NME7: variants seen among roughly 807,000 people sequenced by gnomAD.
NME7 encodes nucleoside diphosphate kinase 7.
NME7 carries 41 observed loss-of-function variants against 49.1 expected under a neutral mutation model. The ratio of observed to expected loss-of-function variants is 0.83; its 90% CI spans 0.65 to 1.08. The LOEUF (loss-of-function observed/expected upper bound fraction) is 1.08, where lower values mean the gene tolerates loss of function less well. NME7 is among the 50% of genes least tolerant of loss of function. NME7 has a pLI of 0.00. For missense variants in NME7, 423 were observed against 463.4 expected, an observed-to-expected ratio of 0.91 and a Z score of 0.80; for synonymous variants, 139 against 150.6, an observed-to-expected ratio of 0.92 and a Z score of 0.56.
chr1:169,360,871 A>G (rs1300447170), intron 1 of NME7, among the ~76,000 whole-genome samples: 1 of 152,094 alleles, frequency 6.6e-6, no homozygotes, highest in Non-Finnish European at 1.5e-5. Flanking sequence ...TTTCTCTCAA[A>G]CTAAGGAAAA....
intron 10 of NME7, among the ~76,000 whole-genome samples, chr1:169,186,640 T>C (rs959433291): frequency 2.0e-5 from 3 of 152,140 alleles, no homozygotes; most frequent in Non-Finnish European, 4.4e-5. Flanking sequence ...ATTGTGTCTA[T>C]TTGAATCTTC....
chr1:169,344,152 T>G (rs1317111440), intron 1 of NME7, among the ~76,000 whole-genome samples: 4 of 152,198 alleles, frequency 2.6e-5, no homozygotes, highest in Non-Finnish European at 5.9e-5. Flanking sequence ...TTGGTGTCAT[T>G]GTAAGTGGAG....
intron 7 of NME7, among the ~76,000 whole-genome samples, chr1:169,254,163 G>A (rs986750980): frequency 4.0e-5 from 6 of 150,132 alleles, no homozygotes; most frequent in Admixed American, 2.0e-4. Flanking sequence ...TGTACCTCTG[G>A]TAGAATTCAG....
intron 10 of NME7, among the ~76,000 whole-genome samples, chr1:169,223,379 T>C (rs1049128723): frequency 6.6e-6 from 1 of 152,106 alleles, no homozygotes; most frequent in African/African-American, 2.4e-5. Context: ...ATAAATATTT[T>C]GTGGGAAGGG....
chr1:169,215,476 G>T (rs1313133483), intron 10 of NME7, among the ~76,000 whole-genome samples: 3 of 151,998 alleles, frequency 2.0e-5, no homozygotes, highest in Non-Finnish European at 4.4e-5. Context: ...GCTTCACCAG[G>T]GACTCACCCC....
At position 169,237,702 on chromosome 1, in the gene NME7, C is replaced by A; in HGVS notation, c.755-15G>T. On this transcript the variant is annotated splice_polypyrimidine_tract_variant and intron_variant, in intron 7 of 11. Coordinates refer to ENST00000367811, the MANE Select transcript of NME7 (RefSeq NM_013330.5). ...TCCCAACAGTCCTGAAAATGAAGGACAATGAGTGAAAAAATACAAAATTTT... is the reference window on the plus strand; with the variant it reads ...TCCCAACAGTCCTGAAAATGAAGGAAAATGAGTGAAAAAATACAAAATTTT... 1 of 1,590,334 alleles carries A rather than the reference C, an allele frequency of 6.3e-7. No individual in the cohort carries two copies. Among genetic ancestry groups the A allele is most frequent in the Non-Finnish European group, 8.6e-7 (1 of 1,168,218 alleles).
intron 10 of NME7, among the ~76,000 whole-genome samples, chr1:169,229,811 G>T (rs1647520262): frequency 6.6e-6 from 1 of 151,810 alleles, no homozygotes; most frequent in Non-Finnish European, 1.5e-5. Flanking sequence ...AAATACAAAA[G>T]ATTAGCCAGG....
intron 11 of NME7, 135 bp downstream of exon 11, chr1:169,169,312 A>G (rs1389903920): frequency 1.4e-6 from 1 of 713,098 alleles, no homozygotes; most frequent in Non-Finnish European, 2.4e-6. Flanking sequence ...CTATGTAACA[A>G]AACTGCACTC....
At chr1:169,144,883 T>C (rs1658704759) in intron 11 of NME7, among the ~76,000 whole-genome samples, 1 of 152,188 alleles carries the variant, frequency 6.6e-6, no homozygotes, top group African/African-American at 2.4e-5. Flanking sequence ...TAGCCTAAGG[T>C]ATCAATGTCA....
intron 10 of NME7, among the ~76,000 whole-genome samples, chr1:169,215,565 C>G (rs939122060): frequency 6.7e-6 from 1 of 149,518 alleles, no homozygotes; most frequent in Non-Finnish European, 1.5e-5. Flanking sequence ...GTACTAATGT[C>G]AAAATGAAAC....
chr1:169,189,522 A>T (rs1660158599), intron 10 of NME7, among the ~76,000 whole-genome samples: 1 of 152,158 alleles, frequency 6.6e-6, no homozygotes, highest in South Asian at 2.1e-4. Context: ...TCGCAACAGG[A>T]TAAAGAGCAA....
chr1:169,257,409 C>T lies in NME7; in HGVS notation c.755-19722G>A, dbSNP rs1174928670. On this transcript the variant is annotated intron_variant, in intron 7 of 11. Coordinates refer to ENST00000367811, the MANE Select transcript of NME7 (RefSeq NM_013330.5). The stretch of plus-strand genomic sequence containing the variant: ...GCGCTTCCCAAGTGAGGCAATGCCT[C>T]GCCCTGCTTCGGCTTGCGAACGGTA... Among the ~76,000 whole-genome samples the T allele has an allele frequency of 4.5e-5, 6 of 134,648 alleles. 2 individuals are homozygous for T. Among genetic ancestry groups the T allele is most frequent in the South Asian group, 4.6e-4 (2 of 4,376 alleles). 88.3% of individuals were successfully genotyped at this position (134,648 alleles called of 152,430 possible). A position where few individuals can be genotyped will look rare whatever the true frequency, so the allele number is the denominator to read the frequency against.
intron 5 of NME7, among the ~76,000 whole-genome samples, chr1:169,302,915 T>C (rs1226307485): frequency 6.6e-6 from 1 of 152,152 alleles, no homozygotes; most frequent in Non-Finnish European, 1.5e-5. Flanking sequence ...TGTAAACAAA[T>C]CTTTCTATTT....
intron 4 of NME7, among the ~76,000 whole-genome samples, chr1:169,308,533 G>A (rs964837646): frequency 1.4e-4 from 22 of 152,108 alleles, no homozygotes; most frequent in African/African-American, 5.3e-4. Context: ...GGAAACAAAG[G>A]CCTCTGTCCT....
rs748568508 is a variant in NME7, at chr1:169,132,834, C to T, written c.1099-17G>A. 6.2e-7 allele frequency: 1 copy of T among 1,612,194 alleles called. No homozygotes were observed. Among genetic ancestry groups the T allele is most frequent in the Non-Finnish European group, 8.5e-7 (1 of 1,179,172 alleles). ...GTATTGAACCTGAAACGGAGAAACA[C>T]ATAATTTCTTAGTTCAGACAAATTT... On this transcript the variant is annotated splice_polypyrimidine_tract_variant and intron_variant, in intron 11 of 11. Transcript: ENST00000367811.
chr1:169,333,340 G>A (rs1021564473), intron 1 of NME7, among the ~76,000 whole-genome samples: 2 of 152,034 alleles, frequency 1.3e-5, no homozygotes, highest in African/African-American at 4.8e-5. Flanking sequence ...AGGGAAGGTG[G>A]GGGTGAATAA....
intron 10 of NME7, among the ~76,000 whole-genome samples, chr1:169,193,584 G>A (rs1660293375): frequency 6.6e-6 from 1 of 152,160 alleles, no homozygotes; most frequent in African/African-American, 2.4e-5. Flanking sequence ...TGCTGCTGAG[G>A]GTTAACATTT....
chr1:169,230,872 CCCTTT>C, intron 9 of NME7, 53 bp from the exon 10 acceptor site: 3 of 1,263,536 alleles, frequency 2.4e-6, no homozygotes, highest in East Asian at 2.6e-5. Context: ...TTTAACTCTC[CCCTTT>C]TAATTGTTTC....
intron 11 of NME7, among the ~76,000 whole-genome samples, chr1:169,157,324 C>T (rs1659107329): frequency 6.6e-6 from 1 of 152,164 alleles, no homozygotes; most frequent in Non-Finnish European, 1.5e-5. Flanking sequence ...CCCAGGTCCT[C>T]AAGGCACTTA....
Sources: gnomAD v4.1 joint callset for allele counts (sites outside exome capture counted in the v4.1 genomes callset) on GRCh38, gnomAD v4.1.1 for gene constraint, MANE v1.5 for transcripts, NCBI Gene and HGNC (gene_info 2026-07-23, HGNC 2026-07-21) for gene names.